The following RIPOR2 variants were observed in gnomAD, a reference collection of about 807,000 sequenced individuals.
RIPOR2 encodes the protein RHO family interacting cell polarization regulator 2.
A neutral mutation model predicts 114.5 loss-of-function variants in RIPOR2; 39 were observed. The ratio of observed to expected loss-of-function variants is 0.34; its 90% CI spans 0.26 to 0.44. The LOEUF is 0.44. Ranked by LOEUF, RIPOR2 falls within the 20% of genes least tolerant of loss-of-function variation. The pLI is 1.00. For synonymous variants in RIPOR2, 445 were observed against 484.4 expected, an observed-to-expected ratio of 0.92 and a Z score of 1.07; for missense variants, 1,007 against 1,255.1, an observed-to-expected ratio of 0.80 and a Z score of 2.99.
At chr6:24,895,491 C>G (rs1387638041) in intron 1 of RIPOR2, among the ~76,000 whole-genome samples, 2 of 151,800 alleles carry the variant, frequency 1.3e-5, no homozygotes, top group Admixed American at 6.6e-5. Flanking sequence ...ACACAGCATG[C>G]AGTGATCATG....
chr6:25,019,730 G>A lies in RIPOR2; in HGVS notation c.76+22121C>T, dbSNP rs1247875029. Among the ~76,000 whole-genome samples the A allele has an allele frequency of 4.5e-5, 6 of 132,876 alleles. No homozygotes were observed. The South Asian group carries it at 7.0e-4, about 15-fold the overall frequency. 87.2% of individuals were successfully genotyped at this position (132,876 alleles called of 152,430 possible). A position where few individuals can be genotyped will look rare whatever the true frequency, so the allele number is the denominator to read the frequency against. On this transcript the variant is annotated intron_variant, in intron 1 of 13. Transcript: ENST00000510784. ...GCGGAGGTTGTAGTGAGCCAAGATCGTGCCACTGCATTCCAGCCTGGGCAA... is the reference window on the plus strand; with the variant it reads ...GCGGAGGTTGTAGTGAGCCAAGATCATGCCACTGCATTCCAGCCTGGGCAA...
intron 7 of RIPOR2, among the ~76,000 whole-genome samples, chr6:24,861,872 A>T (rs1349733240): frequency 6.6e-6 from 1 of 152,224 alleles, no homozygotes; most frequent in Non-Finnish European, 1.5e-5. Flanking sequence ...ATGGTGTTCA[A>T]TGTACAAGTC....
intron 1 of RIPOR2, among the ~76,000 whole-genome samples, chr6:24,954,835 C>G (rs1314481092): frequency 1.3e-5 from 2 of 152,092 alleles, no homozygotes; most frequent in Admixed American, 1.3e-4. Context: ...TCCCAAGAGT[C>G]CTAGCATTGA....
At chr6:24,965,361 C>T (rs1313028559) in intron 1 of RIPOR2, among the ~76,000 whole-genome samples, 2 of 152,140 alleles carry the variant, frequency 1.3e-5, no homozygotes, top group African/African-American at 2.4e-5. Flanking sequence ...TGGTCTTGAA[C>T]TCCTGGCCTC....
intron 12 of RIPOR2, among the ~76,000 whole-genome samples, chr6:24,845,444 C>T (rs186081504): frequency 1.6e-3 from 238 of 152,288 alleles, no homozygotes; most frequent in African/African-American, 4.9e-3. Flanking sequence ...TGTGGTTCCA[C>T]TCAGCTTTGT....
intron 1 of RIPOR2, among the ~76,000 whole-genome samples, chr6:24,926,597 G>A (rs1048321868): frequency 1.3e-5 from 2 of 152,118 alleles, no homozygotes; most frequent in African/African-American, 4.8e-5. Flanking sequence ...AGTGTTTGAG[G>A]TGAGCAGTCG....
In RIPOR2 at chr6:24,839,176, C is replaced by A. The variant is rs1415119713; in HGVS notation, c.1954G>T (p.Asp652Tyr). 2 of 1,551,728 alleles carry A rather than the reference C, an allele frequency of 1.3e-6. No individual in the cohort carries two copies. The highest frequency in any genetic ancestry group is 8.7e-7 in the Non-Finnish European group (1 of 1,146,970). Reference protein sequence around the residue: ...SFDFLNTSDFDEEEDGDEVCN... With the variant: ...SFDFLNTSDFYEEEDGDEVCN... Reference sequence around the variant, plus strand: ...ACCTCATCACCATCCTCCTCCTCGTCAAAATCAGAGGTGTTCAGGAAATCA... The same window carrying A: ...ACCTCATCACCATCCTCCTCCTCGTAAAAATCAGAGGTGTTCAGGAAATCA... The change falls in exon 14 of 22, where the codon GAC becomes TAC. Residue 652 changes from aspartate (D) to tyrosine (Y), a missense_variant. By Grantham distance (160) the Asp-to-Tyr change is radical (BLOSUM62 -3). Coordinates refer to ENST00000643898, the MANE Select transcript of RIPOR2 (RefSeq NM_001286445.3).
chr6:24,829,797 T>C (rs1213102776), intron 17 of RIPOR2, among the ~76,000 whole-genome samples: 1 of 152,148 alleles, frequency 6.6e-6, no homozygotes, highest in Admixed American at 6.5e-5. Flanking sequence ...TTATCTGTCT[T>C]TACATATTTA....
intron 1 of RIPOR2, among the ~76,000 whole-genome samples, chr6:24,953,104 C>T (rs577945940): frequency 9.9e-5 from 15 of 152,224 alleles, no homozygotes; most frequent in East Asian, 3.9e-4. Context: ...GAGGTCAAAG[C>T]GGGCGGATCA....
chr6:24,866,784 A>G (rs1046622767), intron 6 of RIPOR2, among the ~76,000 whole-genome samples: 4 of 152,166 alleles, frequency 2.6e-5, no homozygotes. Flanking sequence ...GCATTGTCAA[A>G]AGCAAATAAA....
At chr6:24,953,444 G>A (rs1370415024) in intron 1 of RIPOR2, among the ~76,000 whole-genome samples, 2 of 152,160 alleles carry the variant, frequency 1.3e-5, no homozygotes, top group East Asian at 1.9e-4. Flanking sequence ...CTCCAGGTGT[G>A]TGCCCCACAG....
In RIPOR2 at chr6:24,875,804, T is replaced by A. The variant is rs749647852; in HGVS notation, c.75A>T (p.Arg25Ser). Residue 25 changes from arginine to serine, a missense_variant, in exon 2 of 22, where the codon AGA becomes AGT. Arg to Ser is a moderately radical substitution (Grantham distance 110). Transcript: ENST00000643898. ...ATCCTACCAACATGATTTCCGGGAG[T>A]CTGGTCGGTAGTCCTAGAAGACAGT... is the stretch of plus-strand genomic sequence containing the variant. Reference protein sequence around the residue: ...DDVFGEGLPTRLPEIMLVGSQ... With the variant: ...DDVFGEGLPTSLPEIMLVGSQ... The A allele has an allele frequency of 5.6e-6, 9 of 1,610,558 alleles. No homozygotes were observed. The highest frequency in any genetic ancestry group is 4.2e-6 in the Non-Finnish European group (5 of 1,178,440).
intron 1 of RIPOR2, among the ~76,000 whole-genome samples, chr6:24,974,603 C>T (rs946258288): frequency 1.3e-5 from 2 of 152,148 alleles, no homozygotes; most frequent in African/African-American, 4.8e-5. Context: ...AAAGGAGCTT[C>T]GCAGTTCCTC....
chr6:24,925,974 C>T (rs982718802), intron 1 of RIPOR2, among the ~76,000 whole-genome samples: 3 of 152,072 alleles, frequency 2.0e-5, no homozygotes, highest in African/African-American at 7.2e-5. Flanking sequence ...AACAGCTTAT[C>T]TTTTTTTCAG....
At chr6:25,031,495 T>C (rs1360906798) in intron 1 of RIPOR2, among the ~76,000 whole-genome samples, 3 of 151,480 alleles carry the variant, frequency 2.0e-5, no homozygotes, top group Non-Finnish European at 4.4e-5. Context: ...CTGTGCTCTA[T>C]GTAATTACAC....
At chr6:24,887,914 T>C (rs983330337) in intron 1 of RIPOR2, among the ~76,000 whole-genome samples, 4 of 152,202 alleles carry the variant, frequency 2.6e-5, no homozygotes, top group African/African-American at 9.7e-5. Flanking sequence ...CTAAGTCTAA[T>C]GAGGGATTGG....
intron 1 of RIPOR2, among the ~76,000 whole-genome samples, chr6:25,018,987 TCTC>T (rs1271110755): frequency 6.6e-6 from 1 of 152,206 alleles, no homozygotes; most frequent in Non-Finnish European, 1.5e-5. Flanking sequence ...GCTGGGATTT[TCTC>T]ATCATCTATT....
At chr6:24,896,912 GATAA>G (rs1311062274) in intron 1 of RIPOR2, among the ~76,000 whole-genome samples, 3 of 151,990 alleles carry the variant, frequency 2.0e-5, no homozygotes, top group Non-Finnish European at 4.4e-5. Context: ...AAAATAAATA[GATAA>G]ATAAATAAAT....
chr6:24,807,925 G>T (rs774299162), intron 21 of RIPOR2, among the ~76,000 whole-genome samples: 1 of 152,164 alleles, frequency 6.6e-6, no homozygotes, highest in Non-Finnish European at 1.5e-5. Flanking sequence ...AAATGTGCCA[G>T]TATTTGTGTA....
Sources: gnomAD v4.1 joint callset for allele counts (sites outside exome capture counted in the v4.1 genomes callset) on GRCh38, gnomAD v4.1.1 for gene constraint, MANE v1.5 for transcripts, NCBI Gene and HGNC (gene_info 2026-07-23, HGNC 2026-07-21) for gene names.